The following MACROD2 variants were observed in gnomAD, a reference collection of about 807,000 sequenced individuals.
MACROD2 encodes the protein mono-ADP ribosylhydrolase 2.
Under a neutral mutation model 70.4 loss-of-function variants are expected in MACROD2, and 36 were observed. The observed-to-expected ratio is 0.51, with a 90% confidence interval of 0.39 to 0.68. The LOEUF (loss-of-function observed/expected upper bound fraction) is 0.68. Ranked by LOEUF, MACROD2 falls within the 30% of genes least tolerant of loss-of-function variation. MACROD2 has a pLI of 0.00. For missense variants in MACROD2, 496 were observed against 538.4 expected (o/e 0.92, Z 0.78); for synonymous variants, 172 against 178.8 (o/e 0.96, Z 0.30).
intron 3 of MACROD2, among the ~76,000 whole-genome samples, chr20:14,166,630 T>C (rs2055273577): frequency 6.6e-6 from 1 of 152,132 alleles, no homozygotes; most frequent in Non-Finnish European, 1.5e-5. Context: ...ATGTCTGAAA[T>C]CAATTTTTTT....
intron 5 of MACROD2, among the ~76,000 whole-genome samples, chr20:14,986,520 C>G (rs548310210): frequency 4.9e-4 from 74 of 152,250 alleles, no homozygotes; most frequent in African/African-American, 1.3e-3. Flanking sequence ...TGCTGGAACT[C>G]TTTAAGTCTT....
intron 3 of MACROD2, among the ~76,000 whole-genome samples, chr20:14,375,133 C>T (rs913773597): frequency 1.7e-4 from 26 of 151,852 alleles, no homozygotes; most frequent in African/African-American, 5.8e-4. Flanking sequence ...TTACAGTGAA[C>T]GTTACTTCTA....
intron 8 of MACROD2, among the ~76,000 whole-genome samples, chr20:15,622,908 G>T (rs1290095363): frequency 6.6e-6 from 1 of 152,178 alleles, no homozygotes; most frequent in Non-Finnish European, 1.5e-5. Flanking sequence ...ATGGGAATAA[G>T]CATGGTGTAT....
intron 12 of MACROD2, among the ~76,000 whole-genome samples, chr20:15,960,925 C>T (rs560430363): frequency 6.6e-6 from 1 of 152,244 alleles, no homozygotes; most frequent in East Asian, 1.9e-4. Context: ...GATCTAGCCT[C>T]TCTAGATGTC....
chr20:14,372,359 GAGAGTAATACTAAGACTGTTTC>G (rs1198970291), intron 3 of MACROD2, among the ~76,000 whole-genome samples: 1 of 141,460 alleles, frequency 7.1e-6, no homozygotes, highest in Non-Finnish European at 1.5e-5. Flanking sequence ...TAATAATACA[GAGAGTAATACTAAGACTGTTTC>G]AGACCAGTAA....
intron 5 of MACROD2, among the ~76,000 whole-genome samples, chr20:14,975,252 G>A (rs1472727900): frequency 6.6e-6 from 1 of 152,164 alleles, no homozygotes; most frequent in African/African-American, 2.4e-5. Flanking sequence ...CAGAGAAAAG[G>A]AGGCCAAGAA....
At chr20:14,523,359 C>G (rs6079473) in intron 4 of MACROD2, 30 of 152,182 alleles carry the variant, frequency 2.0e-4, no homozygotes, top group Admixed American at 1.4e-3. Context: ...CTCAACCTTC[C>G]TTCTACAATT....
At chr20:14,703,616 T>G (rs1166163136) in intron 5 of MACROD2, among the ~76,000 whole-genome samples, 3 of 152,220 alleles carry the variant, frequency 2.0e-5, no homozygotes, top group Non-Finnish European at 4.4e-5. Flanking sequence ...TAGGGAGGCT[T>G]GAGGCCAGGA....
chr20:15,741,363 T>C (rs920632363), intron 8 of MACROD2, among the ~76,000 whole-genome samples: 5 of 151,680 alleles, frequency 3.3e-5, no homozygotes, highest in African/African-American at 1.2e-4. Context: ...CCTCCCAAAG[T>C]GCTGGGATTA....
At chr20:14,650,879 T>C (rs563905015) in intron 4 of MACROD2, among the ~76,000 whole-genome samples, 1 of 152,288 alleles carries the variant, frequency 6.6e-6, no homozygotes, top group Non-Finnish European at 1.5e-5. Flanking sequence ...ATGATAAGCA[T>C]TCACAGTTTG....
At chr20:14,835,839 C>T (rs1266737819) in intron 5 of MACROD2, among the ~76,000 whole-genome samples, 1 of 151,998 alleles carries the variant, frequency 6.6e-6, no homozygotes, top group African/African-American at 2.4e-5. Context: ...CTCATATTGC[C>T]TTAGTATCCA....
intron 8 of MACROD2, among the ~76,000 whole-genome samples, chr20:15,787,940 A>T (rs559548229): frequency 6.6e-6 from 1 of 152,222 alleles, no homozygotes; most frequent in African/African-American, 2.4e-5. Flanking sequence ...ACTTTTCTGT[A>T]TTGATTTTTT....
chr20:14,339,446 G>T (rs2082989663), intron 3 of MACROD2, among the ~76,000 whole-genome samples: 1 of 152,118 alleles, frequency 6.6e-6, no homozygotes, highest in African/African-American at 2.4e-5. Context: ...ATTATTTCTA[G>T]AAGCCATTTT....
intron 4 of MACROD2, among the ~76,000 whole-genome samples, chr20:14,569,970 A>C (rs1257644095): frequency 6.6e-6 from 1 of 152,050 alleles, no homozygotes; most frequent in Non-Finnish European, 1.5e-5. Flanking sequence ...ATTTGGTAAT[A>C]GAACTAAAGC....
At chr20:14,835,004 T>C (rs1048113508) in intron 5 of MACROD2, among the ~76,000 whole-genome samples, 1 of 152,020 alleles carries the variant, frequency 6.6e-6, no homozygotes, top group African/African-American at 2.4e-5. Flanking sequence ...AGTGAATGAT[T>C]GAGAAACAGA....
chr20:15,675,542 T>C (rs1315153086), intron 8 of MACROD2, among the ~76,000 whole-genome samples: 1 of 152,224 alleles, frequency 6.6e-6, no homozygotes, highest in Non-Finnish European at 1.5e-5. Context: ...TCTTTAACAG[T>C]TTAGCGCTGG....
chr20:14,757,881 G>T, intron 5 of MACROD2: 1 of 1,440,046 alleles, frequency 6.9e-7, no homozygotes, highest in South Asian at 1.1e-5. Context: ...CGGCCTAAAG[G>T]TCTGAAGGGT....
intron 6 of MACROD2, among the ~76,000 whole-genome samples, chr20:15,245,253 C>T (rs2077095424): frequency 6.6e-6 from 1 of 152,132 alleles, no homozygotes; most frequent in Non-Finnish European, 1.5e-5. Flanking sequence ...TTTCAAATTA[C>T]AAATCTTGGT....
chr20:14,041,031 G>A (rs138738386), intron 2 of MACROD2, among the ~76,000 whole-genome samples: 3 of 152,214 alleles, frequency 2.0e-5, no homozygotes, highest in East Asian at 1.9e-4. Context: ...GGTAGAATTC[G>A]CATAGTTCTC....
Sources: allele counts gnomAD v4.1 joint callset (sites outside exome capture counted in the v4.1 genomes callset), GRCh38; gene constraint gnomAD v4.1.1; transcripts MANE v1.5; gene names NCBI Gene and HGNC (gene_info 2026-07-23, HGNC 2026-07-21).